Variants in GRIN2D observed in about 807,000 individuals in gnomAD.
The protein encoded by GRIN2D is glutamate receptor ionotropic, NMDA 2D.
Under a neutral mutation model 103.2 loss-of-function variants are expected in GRIN2D, and 37 were observed. The observed-to-expected ratio is 0.36, with a 90% CI of 0.28 to 0.47. The LOEUF (loss-of-function observed/expected upper bound fraction) is 0.47, where lower values mean the gene tolerates loss of function less well. Ranked by LOEUF, GRIN2D falls within the 20% of genes least tolerant of loss-of-function variation. The probability of loss-of-function intolerance (pLI) is 1.00; values close to 1 mark genes in which losing one functional copy is unlikely to be tolerated. For missense variants in GRIN2D, 1,557 were observed against 1,910.6 expected (o/e 0.81, Z 3.45); for synonymous variants, 845 against 885.6 (o/e 0.95, Z 0.81).
At chr19:48,411,318 C>A (rs915459360) in intron 4 of GRIN2D, among the ~76,000 whole-genome samples, 10 of 136,752 alleles carry the variant, frequency 7.3e-5, no homozygotes, top group African/African-American at 2.9e-4. Context: ...GAGTGAGACC[C>A]CGTCTCAAAA....
chr19:48,406,133 C>T (rs1022839997), intron 4 of GRIN2D, among the ~76,000 whole-genome samples: 2 of 152,176 alleles, frequency 1.3e-5, no homozygotes, highest in African/African-American at 2.4e-5. Context: ...ATTAGCTAGA[C>T]GCCTATTCTG....
rs369215761 is a variant in GRIN2D, at chr19:48,404,741, G to A, written c.473G>A (p.Gly158Asp). The change falls in exon 4 of 14, where the codon GGC becomes GAC. Residue 158 changes from glycine to aspartate, a missense_variant. Coordinates refer to ENST00000263269, the MANE Select transcript of GRIN2D (RefSeq NM_000836.4). ...CTCCTCCCTCCCTGGCAGGAGAAGG[G>A]CTCCACCTTCCTGCAGCTGGGCTCT... ...AALVLTPKEK[G>D]STFLQLGSST... 1 of 1,600,406 alleles carries A rather than the reference G, an allele frequency of 6.2e-7. No individual in the cohort carries two copies. Among genetic ancestry groups the A allele is most frequent in the Non-Finnish European group, 8.5e-7 (1 of 1,171,912 alleles).
Position 48,414,823 on chromosome 19 carries a change from A to G in GRIN2D, c.1413-41A>G. 3 of 1,604,454 alleles carry G rather than the reference A, an allele frequency of 1.9e-6. No individual in the cohort carries two copies. Among genetic ancestry groups the G allele is most frequent in the Non-Finnish European group, 2.6e-6 (3 of 1,174,214 alleles). ...CCTCTCTTCATGAGAGAGTCTAAGG[A>G]GGGGGTCCCCAAACTCCCCAAGCCT... On this transcript the variant is annotated intron_variant, in intron 6 of 13. Coordinates refer to ENST00000263269, the MANE Select transcript of GRIN2D (RefSeq NM_000836.4). The surrounding 1 kb of genome is among the most constrained non-coding windows in gnomAD (Gnocchi z 4.6).
At chr19:48,439,245 T>C (rs535415365) in intron 11 of GRIN2D, among the ~76,000 whole-genome samples, 15 of 150,368 alleles carry the variant, frequency 1.0e-4, no homozygotes, top group East Asian at 2.0e-4. Context: ...AACAAACAAA[T>C]AAATAAATAA....
At chr19:48,400,572 T>C (rs937754632) in intron 3 of GRIN2D, among the ~76,000 whole-genome samples, 2 of 152,224 alleles carry the variant, frequency 1.3e-5, no homozygotes. Context: ...TGGTCCTCTC[T>C]GTTTCATTGT....
At chr19:48,423,280 A>G (rs1971044853) in intron 11 of GRIN2D, among the ~76,000 whole-genome samples, 1 of 152,110 alleles carries the variant, frequency 6.6e-6, no homozygotes, top group Non-Finnish European at 1.5e-5. Flanking sequence ...AACAAGGCTG[A>G]GCACAGTAAC....
Position 48,443,244 on chromosome 19 carries a change from C to A in GRIN2D, c.3318C>A (p.Leu1106=), listed in dbSNP as rs372869544. The A allele has an allele frequency of 3.6e-5, 54 of 1,492,054 alleles. No homozygotes were observed. In the African/African-American group the frequency reaches 7.3e-4, roughly 20 times the overall value. The allele number at this position is 1,492,054 out of a possible 1,614,324, so 92.4% of individuals were successfully genotyped here. The change falls in exon 14 of 14, where the codon CTC becomes CTA. Residue 1106 remains leucine, a synonymous_variant. Coordinates refer to ENST00000263269, the MANE Select transcript of GRIN2D (RefSeq NM_000836.4). The surrounding 1 kb of genome is among the most constrained non-coding windows in gnomAD (Gnocchi z 8.9). ...CRAAPPPCPY[L]DLEPSPSDSE... ...CCGCGCCGCCCCCGTGCCCTTACCT[C>A]GATCTCGAGCCGTCGCCGTCGGACT...
At chr19:48,425,153 C>G (rs942717681) in intron 11 of GRIN2D, among the ~76,000 whole-genome samples, 2 of 151,244 alleles carry the variant, frequency 1.3e-5, no homozygotes, top group Non-Finnish European at 2.9e-5. Flanking sequence ...CTCTTTTACC[C>G]CTTCAGGGAT....
At chr19:48,416,176 A>G in intron 8 of GRIN2D, 21 bp downstream of exon 8, 1 of 1,611,538 alleles carries the variant, frequency 6.2e-7, no homozygotes, top group Non-Finnish European at 8.5e-7. Flanking sequence ...GCCCTGGGAC[A>G]GGGAGCTAGC....
At chr19:48,434,241 C>T (rs561406059) in intron 11 of GRIN2D, among the ~76,000 whole-genome samples, 4 of 151,166 alleles carry the variant, frequency 2.6e-5, no homozygotes, top group Admixed American at 2.0e-4. Flanking sequence ...CAAGCCACCG[C>T]GCCTGGCGGC....
intron 8 of GRIN2D, among the ~76,000 whole-genome samples, chr19:48,417,437 G>A (rs1278582271): frequency 6.6e-5 from 10 of 152,204 alleles, no homozygotes; most frequent in Admixed American, 6.5e-4. Context: ...GACCATTGCT[G>A]AGCTGGAGAA....
At position 48,442,347 on chromosome 19, in the gene GRIN2D, A is replaced by G; in HGVS notation, c.2638A>G (p.Thr880Ala). ...GCGCCTGCGGCACTGCCTGGGGCCC[A>G]CCCACCGCATGGACTTCCTGCTGGC... ...YWRLRHCLGPTHRMDFLLAFS... is the reference protein window; with the variant it reads ...YWRLRHCLGPAHRMDFLLAFS... Residue 880 changes from threonine (T) to alanine (A), a missense_variant, in exon 13 of 14, where the codon ACC (threonine) becomes GCC (alanine). Physicochemically the swap from Thr to Ala is moderately conservative, Grantham distance 58. Around this residue, in one of 7 missense-constraint regions of GRIN2D, gnomAD observed 632 missense variants for 572.8 expected, o/e 1.10. Transcript: ENST00000263269. This position sits in a 1 kb window ranked among gnomAD's most constrained non-coding sequence, Gnocchi z 7.2. 1.2e-6 allele frequency: 2 copies of G among 1,613,204 alleles called. No individual in the cohort carries two copies. The highest frequency in any genetic ancestry group is 1.7e-6 in the Non-Finnish European group (2 of 1,179,928).
At chr19:48,432,732 T>C (rs1176632466) in intron 11 of GRIN2D, among the ~76,000 whole-genome samples, 1 of 151,778 alleles carries the variant, frequency 6.6e-6, no homozygotes, top group East Asian at 1.9e-4. Context: ...GTGTTAGGAT[T>C]ACAGGTGTGA....
chr19:48,420,958 G>C (rs541073889), intron 10 of GRIN2D, among the ~76,000 whole-genome samples: 2 of 152,308 alleles, frequency 1.3e-5, no homozygotes, highest in South Asian at 4.1e-4. Flanking sequence ...ACCGTTTGTT[G>C]AGGGACTGGT....
In GRIN2D at chr19:48,414,039, G is replaced by A. The variant is rs2147450592; in HGVS notation, c.1134G>A (p.Glu378=). The A allele has an allele frequency of 1.2e-6, 2 of 1,613,402 alleles. No individual in the cohort carries two copies. Among genetic ancestry groups the A allele is most frequent in the Non-Finnish European group, 1.7e-6 (2 of 1,179,362 alleles). The part of the protein sequence containing the change: ...TWDNRDYSFN[E]DGFLVNPSLV... ...ATAACCGGGATTACTCCTTCAATGA[G>A]GACGGCTTCCTAGTGAACCCCTCCC... Residue 378 remains glutamate, a synonymous_variant, in exon 5 of 14, where the codon GAG becomes GAA. Coordinates refer to ENST00000263269, the MANE Select transcript of GRIN2D (RefSeq NM_000836.4). This position sits in a 1 kb window ranked among gnomAD's most constrained non-coding sequence, Gnocchi z 4.6.
At chr19:48,402,142 AAGAAAGAAAGAAAG>A (rs1164794975) in intron 3 of GRIN2D, among the ~76,000 whole-genome samples, 2 of 139,498 alleles carry the variant, frequency 1.4e-5, no homozygotes, top group East Asian at 2.0e-4. Context: ...GAAAGAAAGA[AAGAAAGAAAGAAAG>A]AAAGAAAGAA....
chr19:48,428,128 C>T (rs964286689), intron 11 of GRIN2D, among the ~76,000 whole-genome samples: 1 of 150,388 alleles, frequency 6.6e-6, no homozygotes, highest in Non-Finnish European at 1.5e-5. Context: ...CCTCTGCCCT[C>T]TGGGTTCAAG....
intron 11 of GRIN2D, among the ~76,000 whole-genome samples, chr19:48,434,741 T>C (rs1232883007): frequency 1.3e-5 from 2 of 151,958 alleles, no homozygotes; most frequent in Non-Finnish European, 2.9e-5. Flanking sequence ...ACCTGAACTT[T>C]TGTTAAATTT....
At chr19:48,411,511 C>T (rs113192478) in intron 4 of GRIN2D, among the ~76,000 whole-genome samples, 1,523 of 151,650 alleles carry the variant, frequency 0.01, 5 homozygotes, top group African/African-American at 0.017. Context: ...TAGGCAGGCG[C>T]GGTGGTGCTT....
Sources: allele counts gnomAD v4.1 joint callset (sites outside exome capture counted in the v4.1 genomes callset), GRCh38; gene constraint gnomAD v4.1.1; regional missense constraint gnomAD v4.1.1; non-coding constraint Gnocchi (gnomAD v3.1); transcripts MANE v1.5; gene names NCBI Gene and HGNC (gene_info 2026-07-23, HGNC 2026-07-21).